AP5Z1: variants seen among roughly 807,000 people sequenced by gnomAD.
AP5Z1 encodes AP-5 complex subunit zeta-1.
A neutral mutation model predicts 83.0 loss-of-function variants in AP5Z1; 106 were observed. That is an observed-to-expected ratio of 1.28 (90% CI 1.09 to 1.50). The LOEUF (loss-of-function observed/expected upper bound fraction) is 1.50, where lower values mean the gene tolerates loss of function less well. AP5Z1 is among the 40% of genes most tolerant of loss of function. The probability of loss-of-function intolerance (pLI) is 0.00; values close to 1 mark genes in which losing one functional copy is unlikely to be tolerated. For missense variants in AP5Z1, 1,565 were observed against 1,094.2 expected (o/e 1.43, Z -6.07); for synonymous variants, 751 against 514.1 (o/e 1.46, Z -6.23).
chr7:4,787,797 C>G (rs1051167962), intron 11 of AP5Z1, 21 bp downstream of exon 11: 3 of 1,515,848 alleles, frequency 2.0e-6, no homozygotes, highest in Non-Finnish European at 2.6e-6. Context: ...CACCCTCTGC[C>G]AGCGCTGCGT....
intron 4 of AP5Z1, 58 bp from the exon 5 acceptor site, chr7:4,783,631 C>A (rs1781446942): frequency 4.6e-6 from 7 of 1,515,872 alleles, no homozygotes; most frequent in Non-Finnish European, 6.2e-6. Context: ...AGCATCCCAA[C>A]AACCCAGGCA....
At chr7:4,784,037 C>T (rs1173849075) in intron 5 of AP5Z1, among the ~76,000 whole-genome samples, 166 bp from the exon 6 acceptor site, 4 of 152,132 alleles carry the variant, frequency 2.6e-5, no homozygotes, top group Admixed American at 6.5e-5. Flanking sequence ...CGCGCGTCTG[C>T]CTGGGGGTCA....
In AP5Z1 at chr7:4,775,654, A is replaced by AGCTCCTGGGCTGCAGC. The variant is rs1469259856; in HGVS notation, c.-61_-46dup. On this transcript the variant is annotated 5_prime_UTR_variant, in exon 1 of 17. Coordinates refer to ENST00000649063, the MANE Select transcript of AP5Z1 (RefSeq NM_014855.3). ...GTCCCGGAAGTTGACCGGGGTGCGG[A>AGCTCCTGGGCTGCAGC]GCTCCTGGGCTGCAGCTCCTGGAGT... 3 of 1,598,872 alleles carry AGCTCCTGGGCTGCAGC rather than the reference A, an allele frequency of 1.9e-6. No individual in the cohort carries two copies. The highest frequency in any genetic ancestry group is 1.7e-6 in the Non-Finnish European group (2 of 1,177,286).
rs12154663 is a variant in AP5Z1, at chr7:4,789,661, G to A, written c.1708-171G>A. On this transcript the variant is annotated intron_variant, in intron 13 of 16. Transcript: ENST00000649063. ...GGGCCAGCCCAGGGCTTCCCTCCCT[G>A]TGCCCGGATGCTGCCAGCTGAGTCT... Among the ~76,000 whole-genome samples, 6,946 of 152,320 alleles carry A rather than the reference G, an allele frequency of 0.046. 272 individuals are homozygous for A. Among genetic ancestry groups the A allele is most frequent in the African/African-American group, 0.1 (4,301 of 41,562 alleles).
intron 11 of AP5Z1, 94 bp from the exon 12 acceptor site, chr7:4,788,060 A>ATATT: frequency 2.1e-6 from 3 of 1,437,674 alleles, no homozygotes; most frequent in East Asian, 2.5e-5. Flanking sequence ...AGGTGCTGTG[A>ATATT]TATTAGGGAC....
chr7:4,788,172 CG>C lies in AP5Z1; in HGVS notation c.1474del (p.Glu492ArgfsTer76). On this transcript the variant is annotated frameshift_variant, in exon 12 of 17. Coordinates refer to ENST00000649063, the MANE Select transcript of AP5Z1 (RefSeq NM_014855.3). LOFTEE classifies it high-confidence loss of function. ...CACGCAGGTCAGCACCGGCTGCATC[CG>C]AGAGGCCACTCTGGGACACCTCTCT... ...LQLRSAPAAS[E>X]RPLWDTSLRA... 3 of 1,555,196 alleles carry C rather than the reference CG, an allele frequency of 1.9e-6. No individual in the cohort carries two copies. Among genetic ancestry groups the C allele is most frequent in the Non-Finnish European group, 2.6e-6 (3 of 1,150,394 alleles).
chr7:4,791,289 C>A lies in AP5Z1; in HGVS notation c.2328C>A (p.Ser776Arg), dbSNP rs192794637. Residue 776 changes from serine (S) to arginine (R), a missense_variant, in exon 17 of 17, where the codon AGC (serine) becomes AGA (arginine). By Grantham distance (110) the Ser-to-Arg change is moderately radical. Coordinates refer to ENST00000649063, the MANE Select transcript of AP5Z1 (RefSeq NM_014855.3). Reference protein sequence around the residue: ...FVLTPSTEVCSPRYHRDANTA... With the variant: ...FVLTPSTEVCRPRYHRDANTA... ...TCACACCCAGCACGGAGGTGTGCAG[C>A]CCCCGCTATCACCGCGATGCCAACA... 1,269 of 1,612,544 alleles carry A rather than the reference C, an allele frequency of 7.9e-4. 4 individuals are homozygous for A. The African/African-American group carries it at 0.014, about 18-fold the overall frequency.
intron 5 of AP5Z1, 103 bp downstream of exon 5, chr7:4,783,901 G>T: frequency 7.8e-7 from 1 of 1,274,360 alleles, no homozygotes; most frequent in Non-Finnish European, 1.1e-6. Flanking sequence ...TCGTTCCGCG[G>T]GGTCCAGGAC....
At chr7:4,790,112 C>T (rs1781708436) in intron 14 of AP5Z1, 183 bp downstream of exon 14, 2 of 1,386,736 alleles carry the variant, frequency 1.4e-6, no homozygotes, top group Non-Finnish European at 9.5e-7. Flanking sequence ...CTCTCTGCTT[C>T]TCAAGAACAT....
At position 4,792,186 on chromosome 7, in the gene AP5Z1, C is replaced by T. The variant is rs1315672956; in HGVS notation, c.*801C>T. ...ACCTTCCTGGGCCCTGTGGTCCCAC[C>T]CTCCGGACTACCAAGGCACAGCTGT... is the stretch of plus-strand genomic sequence containing the variant. On this transcript the variant is annotated 3_prime_UTR_variant, in exon 17 of 17. Transcript: ENST00000649063. 2.6e-5 allele frequency: 4 copies of T among 152,222 alleles called. No homozygotes were observed. Among genetic ancestry groups the T allele is most frequent in the African/African-American group, 9.7e-5 (4 of 41,444 alleles). The allele number at this position is 152,222 out of a possible 1,614,324, so 9.4% of individuals were successfully genotyped here.
At chr7:4,785,760 CTTTTTT>C (rs74274130) in intron 9 of AP5Z1, 76 bp downstream of exon 9, 592 of 1,140,084 alleles carry the variant, frequency 5.2e-4, no homozygotes, top group Middle Eastern at 3.5e-3. Context: ...TTCTTCTTCC[CTTTTTT>C]TTTTTTTTTT....
In AP5Z1 at chr7:4,783,810, A is replaced by C; in HGVS notation, c.621+12A>C. ...CCAGGGCCCGGCAGGTGAGGCTGGG[A>C]CTGTTCTGGAACCATGGGGAACAGA... On this transcript the variant is annotated intron_variant, in intron 5 of 16. Transcript: ENST00000649063. The C allele has an allele frequency of 6.5e-7, 1 of 1,544,510 alleles. No individual in the cohort carries two copies. Among genetic ancestry groups the C allele is most frequent in the Non-Finnish European group, 8.7e-7 (1 of 1,146,162 alleles).
rs761542402 is a variant in AP5Z1, at chr7:4,781,656, C to A, written c.268C>A (p.Leu90Met). 11 of 1,605,546 alleles carry A rather than the reference C, an allele frequency of 6.9e-6. No individual in the cohort carries two copies. Among genetic ancestry groups the A allele is most frequent in the African/African-American group, 5.3e-5 (4 of 74,812 alleles). ...GCTCCAGGTGCTTTGCGCCGCCATC[C>A]TGCGAGAGATGTCCCCCTCTGACAG... is the stretch of plus-strand genomic sequence containing the variant. ...EQLQVLCAAI[L>M]REMSPSDSLS... Residue 90 changes from leucine to methionine, a missense_variant, in exon 3 of 17, where the codon CTG (leucine) becomes ATG (methionine). Transcript: ENST00000649063.
chr7:4,785,607 C>G lies in AP5Z1; in HGVS notation c.1055C>G (p.Ala352Gly), dbSNP rs754388062. The G allele has an allele frequency of 6.3e-7, 1 of 1,592,430 alleles. No homozygotes were observed. Among genetic ancestry groups the G allele is most frequent in the South Asian group, 1.1e-5 (1 of 88,524 alleles). The change falls in exon 9 of 17, where the codon GCC becomes GGC. Residue 352 changes from alanine to glycine, a missense_variant. Transcript: ENST00000649063. ...TACCGAAGTCTCTCCTGCCTGAAGG[C>G]CCTGCACGGGCGGGTGCGCGGGGAC... ...FLYRSLSCLK[A>G]LHGRVRGDPA... is the part of the protein sequence containing the mutation.
intron 10 of AP5Z1, 116 bp from the exon 11 acceptor site, chr7:4,787,518 G>A: frequency 7.1e-7 from 1 of 1,408,592 alleles, no homozygotes; most frequent in Non-Finnish European, 9.4e-7. Context: ...GGCAAAGGTA[G>A]AAGCCCTCCT....
rs766449429 is a variant in AP5Z1 at position 4,775,761 on chromosome 7, G to C, written c.41+5G>C. 2 of 1,603,632 alleles carry C rather than the reference G, an allele frequency of 1.2e-6. No homozygotes were observed. The highest frequency in any genetic ancestry group is 1.1e-5 in the South Asian group (1 of 90,962). Reference sequence around the variant, plus strand: ...GAGTTTGCTCCACCAGGCCAGGTACGGGGGAGCTGCGGCCCCGGCCCTCCT... The same window carrying C: ...GAGTTTGCTCCACCAGGCCAGGTACCGGGGAGCTGCGGCCCCGGCCCTCCT... On this transcript the variant is annotated splice_donor_5th_base_variant and intron_variant, in intron 1 of 16. Transcript: ENST00000649063.
At chr7:4,783,637 A>G (rs2115107202) in intron 4 of AP5Z1, 52 bp from the exon 5 acceptor site, 1 of 1,520,744 alleles carries the variant, frequency 6.6e-7, no homozygotes, top group South Asian at 1.2e-5. Flanking sequence ...CCAACAACCC[A>G]GGCATCTGTA....
rs3750015 is a variant in AP5Z1 at position 4,775,897 on chromosome 7, T to G, written c.41+141T>G. 167,231 of 1,268,916 alleles carry G rather than the reference T, an allele frequency of 0.13. 23,648 individuals carry two copies. Among genetic ancestry groups the G allele is most frequent in the African/African-American group, 0.7 (45,956 of 65,986 alleles). 78.6% of individuals were successfully genotyped at this position (1,268,916 alleles called of 1,614,324 possible). On this transcript the variant is annotated intron_variant, in intron 1 of 16. Coordinates refer to ENST00000649063, the MANE Select transcript of AP5Z1 (RefSeq NM_014855.3). ...TCGCCCTCGAGACTTGGGGATCGGG[T>G]AAGGCAACACGGCGGCCAGGCTTGG... is the stretch of plus-strand genomic sequence containing the variant.
At position 4,787,529 on chromosome 7, in the gene AP5Z1, G is replaced by C. The variant is rs73305384; in HGVS notation, c.1312-105G>C. 51,602 of 1,451,262 alleles carry C rather than the reference G, an allele frequency of 0.036. 1,601 individuals are homozygous for C. The highest frequency in any genetic ancestry group is 0.16 in the African/African-American group (11,320 of 70,852). 89.9% of individuals were successfully genotyped at this position (1,451,262 alleles called of 1,614,324 possible). On this transcript the variant is annotated intron_variant, in intron 10 of 16. Transcript: ENST00000649063. ...AGGAGGCAAAGGTAGAAGCCCTCCT[G>C]GGGACTGCAGGTCTGGGACAGCTGT...
Sources: gnomAD v4.1 joint callset for allele counts (sites outside exome capture counted in the v4.1 genomes callset) on GRCh38, gnomAD v4.1.1 for gene constraint, MANE v1.5 for transcripts, NCBI Gene and HGNC (gene_info 2026-07-23, HGNC 2026-07-21) for gene names.